NCKAP5: variants seen among roughly 807,000 people sequenced by gnomAD.
The protein encoded by NCKAP5 is nck-associated protein 5.
Under a neutral mutation model 167.0 loss-of-function variants are expected in NCKAP5, and 92 were observed. The observed-to-expected ratio is 0.55, with a 90% CI of 0.47 to 0.66. The LOEUF (loss-of-function observed/expected upper bound fraction) is 0.66, where lower values mean the gene tolerates loss of function less well. Ranked by LOEUF, NCKAP5 falls within the 30% of genes least tolerant of loss-of-function variation. The pLI, the probability that NCKAP5 is intolerant of heterozygous loss-of-function variation, is 0.00. For missense variants in NCKAP5, 2,378 were observed against 2,315.0 expected, an observed-to-expected ratio of 1.03 and a Z score of -0.56; for synonymous variants, 891 against 877.4, an observed-to-expected ratio of 1.02 and a Z score of -0.27.
At chr2:133,002,166 C>T (rs1308689830) in intron 6 of NCKAP5, among the ~76,000 whole-genome samples, 2 of 152,140 alleles carry the variant, frequency 1.3e-5, no homozygotes, top group Non-Finnish European at 2.9e-5. Flanking sequence ...GATCAAAATT[C>T]TTCTAGATCC....
intron 8 of NCKAP5, among the ~76,000 whole-genome samples, chr2:132,881,103 G>C (rs900178504): frequency 2.6e-5 from 4 of 152,322 alleles, no homozygotes; most frequent in Admixed American, 2.0e-4. Flanking sequence ...AATCCTACCT[G>C]TGATCATGTA....
the NCKAP5 span, among the ~76,000 whole-genome samples, chr2:133,657,532 C>T: frequency 1.3e-5 from 2 of 152,164 alleles, no homozygotes; most frequent in African/African-American, 4.8e-5. Flanking sequence ...TTTCCAATGA[C>T]TAATGGTGGA....
At chr2:133,184,197 A>G (rs2084848859) in intron 5 of NCKAP5, among the ~76,000 whole-genome samples, 1 of 152,106 alleles carries the variant, frequency 6.6e-6, no homozygotes, top group Non-Finnish European at 1.5e-5. Flanking sequence ...ACTCCCACCT[A>G]TAAGTGAAAA....
chr2:133,500,152 C>T (rs1177925641), intron 3 of NCKAP5, among the ~76,000 whole-genome samples: 1 of 152,050 alleles, frequency 6.6e-6, no homozygotes, highest in Non-Finnish European at 1.5e-5. Context: ...CAAAGCAATG[C>T]CAATTACAAG....
chr2:133,280,243 A>G (rs1161879718), intron 4 of NCKAP5, among the ~76,000 whole-genome samples: 1 of 152,196 alleles, frequency 6.6e-6, no homozygotes, highest in African/African-American at 2.4e-5. Flanking sequence ...GTCCAAATCC[A>G]TCACAATTGA....
At chr2:132,811,120 C>G (rs183311904) in intron 11 of NCKAP5, among the ~76,000 whole-genome samples, 2 of 152,178 alleles carry the variant, frequency 1.3e-5, no homozygotes, top group Non-Finnish European at 2.9e-5. Flanking sequence ...TGAGATGAAA[C>G]GTCTATGGGT....
chr2:133,110,183 G>A (rs1016785724), intron 6 of NCKAP5, among the ~76,000 whole-genome samples: 7 of 152,174 alleles, frequency 4.6e-5, no homozygotes, highest in Non-Finnish European at 8.8e-5. Flanking sequence ...TCCTGCAAAA[G>A]TTCTCAATGG....
intron 4 of NCKAP5, among the ~76,000 whole-genome samples, chr2:133,233,094 A>C (rs1225593673): frequency 6.6e-6 from 1 of 152,170 alleles, no homozygotes; most frequent in Non-Finnish European, 1.5e-5. Context: ...TGCTGTAAAA[A>C]CCAGCCCATG....
At chr2:133,653,114 T>A in the NCKAP5 span, among the ~76,000 whole-genome samples, 4 of 152,214 alleles carry the variant, frequency 2.6e-5, no homozygotes, top group African/African-American at 9.6e-5. Flanking sequence ...GTCCTGAGGA[T>A]CTGCCTGCAA....
At chr2:133,457,693 A>T (rs950583799) in intron 3 of NCKAP5, among the ~76,000 whole-genome samples, 5 of 152,212 alleles carry the variant, frequency 3.3e-5, no homozygotes, top group African/African-American at 1.2e-4. Flanking sequence ...AAGGCAACTC[A>T]AATAGCATTC....
intron 8 of NCKAP5, among the ~76,000 whole-genome samples, chr2:132,954,433 A>G (rs1231616648): frequency 6.6e-6 from 1 of 152,190 alleles, no homozygotes; most frequent in Admixed American, 6.5e-5. Context: ...CTGCTTTAAA[A>G]GATAATGGTA....
chr2:133,357,288 G>GACACACACACACACAC (rs10635907), intron 3 of NCKAP5, among the ~76,000 whole-genome samples: 6 of 140,178 alleles, frequency 4.3e-5, no homozygotes, highest in African/African-American at 1.6e-4. Context: ...CACATACACA[G>GACACACACACACACAC]ACACACACAC....
intron 8 of NCKAP5, among the ~76,000 whole-genome samples, chr2:132,958,872 T>G (rs2149182668): frequency 6.6e-6 from 1 of 152,102 alleles, no homozygotes; most frequent in Admixed American, 6.5e-5. Context: ...CTCAATAAAC[T>G]TTTCTTATTT....
At chr2:133,647,560 G>C in the NCKAP5 span, among the ~76,000 whole-genome samples, 1 of 135,360 alleles carries the variant, frequency 7.4e-6, no homozygotes, top group Non-Finnish European at 1.6e-5. Flanking sequence ...AGGAAGGGAG[G>C]GAAGAAGGAA....
chr2:133,351,872 T>G (rs1684388040), intron 3 of NCKAP5, among the ~76,000 whole-genome samples: 1 of 152,188 alleles, frequency 6.6e-6, no homozygotes, highest in Non-Finnish European at 1.5e-5. Context: ...GCCAGCTTAT[T>G]GCAACAGCTT....
At chr2:132,778,325 T>G (rs1036439885) in intron 15 of NCKAP5, among the ~76,000 whole-genome samples, 2 of 152,024 alleles carry the variant, frequency 1.3e-5, no homozygotes, top group Non-Finnish European at 2.9e-5. Flanking sequence ...AAAATTTAAT[T>G]CAGACAAACA....
chr2:133,135,174 C>T (rs750459491), intron 5 of NCKAP5, among the ~76,000 whole-genome samples: 9 of 152,116 alleles, frequency 5.9e-5, no homozygotes, highest in Non-Finnish European at 8.8e-5. Flanking sequence ...GTGAAAGTGA[C>T]GGAAACTGAT....
At position 132,796,716 on chromosome 2, in the gene NCKAP5, C is replaced by T. The variant is rs1684637271; in HGVS notation, c.821G>A (p.Arg274His). 2 of 1,610,838 alleles carry T rather than the reference C, an allele frequency of 1.2e-6. No individual in the cohort carries two copies. Among genetic ancestry groups the T allele is most frequent in the South Asian group, 1.1e-5 (1 of 90,636 alleles). The change falls in exon 12 of 20, where the codon CGT becomes CAT. Residue 274 changes from arginine (R) to histidine (H), a missense_variant. By Grantham distance (29) the Arg-to-His change is conservative. This residue lies in a region of NCKAP5 where 1,049 missense variants were observed against 1,023.4 expected (regional missense o/e 1.02). Transcript: ENST00000409261. ...ATCTCCAGATGAAAGATCCAAGAGA[C>T]GTGAGTGAAGTTTCTAGGTAAAACC... ...SDLLLQKLHS[R>H]LLDLSSGDLL...
intron 3 of NCKAP5, among the ~76,000 whole-genome samples, chr2:133,403,072 A>G (rs1046839184): frequency 1.3e-5 from 2 of 152,230 alleles, no homozygotes; most frequent in African/African-American, 2.4e-5. Flanking sequence ...CTTATCTTTG[A>G]ATAGCTTTGA....
Sources: allele counts gnomAD v4.1 joint callset (sites outside exome capture counted in the v4.1 genomes callset), GRCh38; gene constraint gnomAD v4.1.1; regional missense constraint gnomAD v4.1.1; transcripts MANE v1.5; gene names NCBI Gene and HGNC (gene_info 2026-07-23, HGNC 2026-07-21).